The following NAV2 variants were observed in gnomAD, a reference collection of about 807,000 sequenced individuals.
NAV2 encodes helicase, APC down-regulated 1.
A neutral mutation model predicts 223.2 loss-of-function variants in NAV2; 54 were observed. The ratio of observed to expected loss-of-function variants is 0.24; its 90% CI spans 0.19 to 0.30. The LOEUF (loss-of-function observed/expected upper bound fraction) is 0.30, where lower values mean the gene tolerates loss of function less well. Among genes scored for constraint, NAV2 ranks in the 10% least tolerant of loss-of-function variants. NAV2 has a pLI of 1.00. For missense variants in NAV2, 2,806 were observed against 3,147.5 expected (o/e 0.89, Z 2.60); for synonymous variants, 1,279 against 1,239.3 (o/e 1.03, Z -0.67).
intron 1 of NAV2, among the ~76,000 whole-genome samples, chr11:19,509,695 G>C (rs911537027): frequency 6.6e-6 from 1 of 152,122 alleles, no homozygotes; most frequent in East Asian, 1.9e-4. Context: ...TCTCTTTGCT[G>C]GTTCTTTAGA....
intron 5 of NAV2, among the ~76,000 whole-genome samples, chr11:19,881,240 G>A (rs1340564825): frequency 1.3e-5 from 2 of 152,160 alleles, no homozygotes; most frequent in Non-Finnish European, 2.9e-5. Context: ...TGCAAATCAG[G>A]TCCCATAATT....
intron 1 of NAV2, chr11:19,401,768 G>T (rs769481929): frequency 7.9e-5 from 12 of 152,168 alleles, no homozygotes; most frequent in African/African-American, 1.2e-4. Context: ...ATATTTCATG[G>T]AACACTAAAT....
chr11:20,093,313 T>C (rs2060990119), intron 29 of NAV2, 114 bp downstream of exon 29: 7 of 713,884 alleles, frequency 9.8e-6, no homozygotes, highest in Non-Finnish European at 1.5e-5. Flanking sequence ...GATTTGGAAA[T>C]ACTACTAACC....
chr11:19,734,451 G>C (rs2052091859), intron 1 of NAV2, among the ~76,000 whole-genome samples: 1 of 152,040 alleles, frequency 6.6e-6, no homozygotes, highest in Non-Finnish European at 1.5e-5. Flanking sequence ...CTTCCTTCAG[G>C]GTGTGCTATC....
chr11:19,998,704 TC>T lies in NAV2; in HGVS notation c.2768+14464del, dbSNP rs71050696. 0.28 allele frequency among the ~76,000 whole-genome samples: 42,680 copies of T among 151,822 alleles called. 6,824 individuals are homozygous for T. Among genetic ancestry groups the T allele is most frequent in the East Asian group, 0.41 (2,118 of 5,128 alleles). ...CTGTCCCCTCTGCATAGACTGTGCT[TC>T]CCCCCCTCTCTCCTTTTCTCCTTAT... On this transcript the variant is annotated intron_variant, in intron 11 of 37. Transcript: ENST00000349880. This position sits in a 1 kb window ranked among gnomAD's most constrained non-coding sequence, Gnocchi z 5.0.
At chr11:19,357,141 T>C (rs147155351) in intron 1 of NAV2, among the ~76,000 whole-genome samples, 1 of 152,332 alleles carries the variant, frequency 6.6e-6, no homozygotes, top group East Asian at 1.9e-4. Flanking sequence ...TGGTATGCAG[T>C]GCCAGCCTTC....
chr11:19,417,445 A>C (rs1205031910), intron 1 of NAV2, among the ~76,000 whole-genome samples: 1 of 152,218 alleles, frequency 6.6e-6, no homozygotes, highest in Non-Finnish European at 1.5e-5. Flanking sequence ...TCAGGAAACA[A>C]CAGATGCTGG....
intron 36 of NAV2, among the ~76,000 whole-genome samples, chr11:20,113,245 T>G (rs1196584966): frequency 1.3e-5 from 2 of 152,142 alleles, no homozygotes; most frequent in African/African-American, 4.8e-5. Context: ...AGTTGCACGG[T>G]GGTTAAGCAA....
intron 1 of NAV2, among the ~76,000 whole-genome samples, chr11:19,762,296 A>G (rs1450112506): frequency 6.6e-6 from 1 of 152,146 alleles, no homozygotes; most frequent in Admixed American, 6.6e-5. Flanking sequence ...ACAAACCCAC[A>G]CACACATGCC....
chr11:19,384,190 T>A (rs528573158), intron 1 of NAV2, among the ~76,000 whole-genome samples: 1 of 152,204 alleles, frequency 6.6e-6, no homozygotes, highest in African/African-American at 2.4e-5. Flanking sequence ...AACGTATATA[T>A]GCAGAAAGAA....
At chr11:19,596,309 C>G (rs1312350543) in intron 1 of NAV2, among the ~76,000 whole-genome samples, 1 of 152,192 alleles carries the variant, frequency 6.6e-6, no homozygotes, top group African/African-American at 2.4e-5. Flanking sequence ...TTTCTTAAAT[C>G]CTAGACTTGC....
chr11:19,906,417 G>T (rs1344865065), intron 6 of NAV2, among the ~76,000 whole-genome samples: 1 of 152,172 alleles, frequency 6.6e-6, no homozygotes, highest in East Asian at 1.9e-4. Flanking sequence ...AGCGTACATG[G>T]CACAGAGAGG....
chr11:19,933,711 G>A lies in NAV2; in HGVS notation c.1467G>A (p.Lys489=). 3 of 1,614,190 alleles carry A rather than the reference G, an allele frequency of 1.9e-6. No individual in the cohort carries two copies. Among genetic ancestry groups the A allele is most frequent in the South Asian group, 1.1e-5 (1 of 91,086 alleles). ...KSSLKGNEKE[K]EKQQREKDKE... ...CTCTGAAAGGCAATGAGAAAGAGAA[G>A]GAGAAACAACAGCGGGAGAAGGATA... The change falls in exon 7 of 38, where the codon AAG becomes AAA. Residue 489 remains lysine, a synonymous_variant. Transcript: ENST00000349880. The surrounding 1 kb of genome is among the most constrained non-coding windows in gnomAD (Gnocchi z 4.3).
At chr11:19,744,562 G>A (rs965099965) in intron 1 of NAV2, among the ~76,000 whole-genome samples, 2 of 17,568 alleles carry the variant, frequency 1.1e-4, no homozygotes, top group South Asian at 4.7e-3. Context: ...GGTAATATCT[G>A]TGGATTTTTT....
At chr11:19,629,471 G>A (rs1038811079) in intron 1 of NAV2, among the ~76,000 whole-genome samples, 13 of 151,238 alleles carry the variant, frequency 8.6e-5, no homozygotes, top group African/African-American at 2.4e-4. Flanking sequence ...TTTTTCTTAC[G>A]CACTTGCGCA....
At chr11:19,508,526 C>T (rs2043187891) in intron 1 of NAV2, among the ~76,000 whole-genome samples, 1 of 152,144 alleles carries the variant, frequency 6.6e-6, no homozygotes, top group African/African-American at 2.4e-5. Context: ...TTCTCATTCT[C>T]AGTCCCATTT....
At chr11:19,393,633 C>T (rs979519365) in intron 1 of NAV2, among the ~76,000 whole-genome samples, 4 of 152,348 alleles carry the variant, frequency 2.6e-5, no homozygotes, top group African/African-American at 9.6e-5. Context: ...ATCGTATCAG[C>T]TGTCAAATTA....
intron 1 of NAV2, among the ~76,000 whole-genome samples, chr11:19,552,147 C>G (rs2044710788): frequency 6.6e-6 from 1 of 152,112 alleles, no homozygotes; most frequent in Non-Finnish European, 1.5e-5. Flanking sequence ...GGAGACAGGA[C>G]AGAGCCTCTT....
At chr11:20,096,458 G>T (rs1043122549) in intron 30 of NAV2, among the ~76,000 whole-genome samples, 2 of 152,132 alleles carry the variant, frequency 1.3e-5, no homozygotes, top group Admixed American at 1.3e-4. Context: ...TCCCTGAGTA[G>T]TAATAATAGT....
Sources: allele counts gnomAD v4.1 joint callset (sites outside exome capture counted in the v4.1 genomes callset), GRCh38; gene constraint gnomAD v4.1.1; non-coding constraint Gnocchi (gnomAD v3.1); transcripts MANE v1.5; gene names NCBI Gene and HGNC (gene_info 2026-07-23, HGNC 2026-07-21).